GLIS3: variants seen among roughly 807,000 people sequenced by gnomAD.
GLIS3 encodes GLIS family zinc finger 3, also known as zinc finger protein GLIS3.
GLIS3 carries 53 observed loss-of-function variants against 78.6 expected under a neutral mutation model. The ratio of observed to expected loss-of-function variants is 0.67; its 90% CI spans 0.54 to 0.85. The LOEUF is 0.85. Ranked by LOEUF, GLIS3 falls within the 40% of genes least tolerant of loss-of-function variation. The pLI is 0.00. For missense variants in GLIS3, 1,703 were observed against 1,231.1 expected, an observed-to-expected ratio of 1.38 and a Z score of -5.74; for synonymous variants, 684 against 509.9, an observed-to-expected ratio of 1.34 and a Z score of -4.60.
At chr9:4,063,906 T>G (rs1465084580) in intron 4 of GLIS3, among the ~76,000 whole-genome samples, 1 of 152,120 alleles carries the variant, frequency 6.6e-6, no homozygotes, top group East Asian at 1.9e-4. Flanking sequence ...ATACACCTAC[T>G]GAAAAAAGTG....
At chr9:4,473,821 C>G in the GLIS3 span, among the ~76,000 whole-genome samples, 1 of 152,082 alleles carries the variant, frequency 6.6e-6, no homozygotes. Flanking sequence ...TTTAAAGATG[C>G]TATTTACAAT....
chr9:4,425,299 T>G, the GLIS3 span, among the ~76,000 whole-genome samples: 1 of 152,218 alleles, frequency 6.6e-6, no homozygotes, highest in African/African-American at 2.4e-5. Flanking sequence ...CAAGACTGTT[T>G]CCCTTTATCA....
intron 4 of GLIS3, among the ~76,000 whole-genome samples, chr9:4,005,812 A>G (rs1821496691): frequency 6.6e-6 from 1 of 152,246 alleles, no homozygotes; most frequent in South Asian, 2.1e-4. Flanking sequence ...TAAATTATCT[A>G]CATGAGTGGC....
intron 2 of GLIS3, among the ~76,000 whole-genome samples, chr9:4,257,565 A>ATGTTATTGTTGT (rs1825084681): frequency 2.4e-5 from 1 of 41,486 alleles, no homozygotes; most frequent in Non-Finnish European, 5.7e-5. Context: ...TAACATGTAT[A>ATGTTATTGTTGT]TGTTGTTGTT....
At chr9:4,029,365 T>C (rs2130246255) in intron 4 of GLIS3, among the ~76,000 whole-genome samples, 1 of 152,130 alleles carries the variant, frequency 6.6e-6, no homozygotes, top group African/African-American at 2.4e-5. Flanking sequence ...ATGGGGTACA[T>C]GAGATGCGTT....
intron 2 of GLIS3, among the ~76,000 whole-genome samples, chr9:4,180,089 GT>G: frequency 6.6e-6 from 1 of 152,162 alleles, no homozygotes; most frequent in South Asian, 2.1e-4. Context: ...GTTATCAATG[GT>G]TACCTATGTC....
chr9:4,385,517 T>C, the GLIS3 span, among the ~76,000 whole-genome samples: 3 of 151,760 alleles, frequency 2.0e-5, no homozygotes, highest in South Asian at 6.2e-4. Flanking sequence ...ATACAAAACT[T>C]AGCCAGGTGT....
chr9:3,935,923 T>G (rs1825877183), intron 5 of GLIS3, among the ~76,000 whole-genome samples: 1 of 152,186 alleles, frequency 6.6e-6, no homozygotes, highest in Admixed American at 6.5e-5. Context: ...GATAATTCTG[T>G]TTAGAAAGGT....
chr9:4,049,398 C>A (rs1229244968), intron 4 of GLIS3, among the ~76,000 whole-genome samples: 1 of 152,160 alleles, frequency 6.6e-6, no homozygotes, highest in Non-Finnish European at 1.5e-5. Flanking sequence ...AATGGGCCAT[C>A]AAGGACCTTG....
intron 2 of GLIS3, among the ~76,000 whole-genome samples, chr9:4,344,231 T>A (rs1203232920): frequency 6.6e-6 from 1 of 152,102 alleles, no homozygotes; most frequent in African/African-American, 2.4e-5. Flanking sequence ...GCCCCAGGGT[T>A]TCCTCTCTTC....
At chr9:4,200,814 C>A (rs550755691) in intron 2 of GLIS3, among the ~76,000 whole-genome samples, 2 of 152,012 alleles carry the variant, frequency 1.3e-5, no homozygotes, top group Admixed American at 6.6e-5. Context: ...CAAAGTGGAA[C>A]GACTCCTGCC....
intron 7 of GLIS3, 77 bp from the exon 8 acceptor site, chr9:3,879,672 C>T: frequency 1.0e-5 from 15 of 1,498,696 alleles, no homozygotes; most frequent in Non-Finnish European, 1.4e-5. Flanking sequence ...AGCCTGACAG[C>T]AAGCATATTT....
chr9:4,074,118 C>G (rs546021049), intron 4 of GLIS3, among the ~76,000 whole-genome samples: 1 of 152,196 alleles, frequency 6.6e-6, no homozygotes, highest in Admixed American at 6.5e-5. Flanking sequence ...CATCCCAATG[C>G]AAGTCACAAG....
intron 2 of GLIS3, among the ~76,000 whole-genome samples, chr9:4,325,011 G>A (rs1046291064): frequency 2.0e-5 from 3 of 152,192 alleles, no homozygotes; most frequent in East Asian, 1.9e-4. Flanking sequence ...GCCTGGTGCT[G>A]TAGGTACTAT....
the GLIS3 span, among the ~76,000 whole-genome samples, chr9:4,446,845 T>C: frequency 1.1e-4 from 16 of 151,980 alleles, no homozygotes; most frequent in Admixed American, 3.3e-4. Flanking sequence ...AGTGCTTTCA[T>C]TGTGTGACCT....
chr9:4,383,285 C>T, the GLIS3 span, among the ~76,000 whole-genome samples: 1 of 152,208 alleles, frequency 6.6e-6, no homozygotes, highest in Non-Finnish European at 1.5e-5. Context: ...AACCAGATTG[C>T]ATTTTTTATT....
chr9:3,956,028 C>CCAAAAAAAAAAAA (rs1491307787), intron 4 of GLIS3, among the ~76,000 whole-genome samples: 49 of 87,404 alleles, frequency 5.6e-4, no homozygotes, highest in East Asian at 2.4e-3. Context: ...CCAGATTCAG[C>CCAAAAAAAAAAAA]AAAAAAAAAA....
the GLIS3 span, among the ~76,000 whole-genome samples, chr9:4,469,091 C>T: frequency 3.9e-5 from 6 of 152,146 alleles, no homozygotes; most frequent in African/African-American, 9.7e-5. Flanking sequence ...GCTAACTATC[C>T]TAAATATATA....
intron 2 of GLIS3, among the ~76,000 whole-genome samples, chr9:4,176,780 C>G (rs576263927): frequency 6.6e-6 from 1 of 152,176 alleles, no homozygotes; most frequent in Admixed American, 6.5e-5. Flanking sequence ...CCTGCGACCA[C>G]GCCCAGCTCA....
Sources: allele counts gnomAD v4.1 joint callset (sites outside exome capture counted in the v4.1 genomes callset), GRCh38; gene constraint gnomAD v4.1.1; transcripts MANE v1.5; gene names NCBI Gene and HGNC (gene_info 2026-07-23, HGNC 2026-07-21).